The following TRPV1 variants were observed in gnomAD, a reference collection of about 807,000 sequenced individuals.
The protein encoded by TRPV1 is transient receptor potential cation channel subfamily V member 1.
Under a neutral mutation model 82.3 loss-of-function variants are expected in TRPV1, and 82 were observed. The ratio of observed to expected loss-of-function variants is 1.00; its 90% confidence interval spans 0.83 to 1.20. TRPV1 has a LOEUF of 1.20. Among genes scored for constraint, TRPV1 ranks in the 50% most tolerant of loss-of-function variants. The probability of loss-of-function intolerance (pLI) is 0.00; values close to 1 mark genes in which losing one functional copy is unlikely to be tolerated. For synonymous variants in TRPV1, 515 were observed against 467.7 expected, an observed-to-expected ratio of 1.10 and a Z score of -1.30; for missense variants, 1,067 against 1,096.8, an observed-to-expected ratio of 0.97 and a Z score of 0.38.
At position 3,573,532 on chromosome 17, in the gene TRPV1, G is replaced by GCCCCCCCCCCCCCCCCCCCCCCCCCCC; in HGVS notation, c.2103+100_2103+101insGGGGGGGGGGGGGGGGGGGGGGGGGGG. ...GCCCATACCCTCCTGGCCACACACC[G>GCCCCCCCCCCCCCCCCCCCCCCCCCCC]CCCCCACCACCCACCCACCTGCAGC... On this transcript the variant is annotated intron_variant, in intron 14 of 16. Transcript: ENST00000572705. 3.1e-5 allele frequency: 8 copies of GCCCCCCCCCCCCCCCCCCCCCCCCCCC among 257,076 alleles called. 4 individuals are homozygous for GCCCCCCCCCCCCCCCCCCCCCCCCCCC. The highest frequency in any genetic ancestry group is 1.2e-4 in the South Asian group (4 of 33,506). The allele number at this position is 257,076 out of a possible 1,614,324, so 15.9% of individuals were successfully genotyped here. A position where few individuals can be genotyped will look rare whatever the true frequency, so the allele number is the denominator to read the frequency against.
At chr17:3,569,962 G>GT (rs1315700646) in intron 16 of TRPV1, among the ~76,000 whole-genome samples, 1 of 151,270 alleles carries the variant, frequency 6.6e-6, no homozygotes, top group Non-Finnish European at 1.5e-5. Flanking sequence ...GAGGGGCCAA[G>GT]GGGTCAGGGA....
At chr17:3,603,937 G>A (rs893136461) in intron 2 of TRPV1, among the ~76,000 whole-genome samples, 4 of 152,142 alleles carry the variant, frequency 2.6e-5, no homozygotes, top group Admixed American at 6.5e-5. Context: ...TGGTCTCTGC[G>A]CTCAAGAAGC....
rs1295824422 is a variant in TRPV1 at position 3,585,927 on chromosome 17, C to A, written c.1225-1G>T. 2 of 1,613,542 alleles carry A rather than the reference C, an allele frequency of 1.2e-6. No homozygotes were observed. Among genetic ancestry groups the A allele is most frequent in the Non-Finnish European group, 8.5e-7 (1 of 1,179,722 alleles). On this transcript the variant is annotated splice_acceptor_variant, in intron 8 of 16. Coordinates refer to ENST00000572705, the MANE Select transcript of TRPV1 (RefSeq NM_080704.4). LOFTEE classifies it high-confidence loss of function. ...CCACCAAGAGCATGTCGTGGCGATT[C>A]TAGGGGGTGGGGAGAGAAGTGAGGT...
At chr17:3,589,209 CTTTTTTTTTTTTTT>C in intron 7 of TRPV1, among the ~76,000 whole-genome samples, 1 of 137,644 alleles carries the variant, frequency 7.3e-6, no homozygotes, top group Non-Finnish European at 1.5e-5. Context: ...TTTCTTTTTC[CTTTTTTTTTTTTTT>C]TGAGACAGAG....
rs71153376 is a variant in TRPV1 at position 3,582,189 on chromosome 17, C to CAAAAAAAAAAAAAAAAAA, written c.1476+1131_1476+1148dup. Among the ~76,000 whole-genome samples the CAAAAAAAAAAAAAAAAAA allele has an allele frequency of 4.6e-4, 12 of 25,912 alleles. 3 individuals carry two copies. The highest frequency in any genetic ancestry group is 6.6e-4 in the Non-Finnish European group (9 of 13,638). The allele number at this position is 25,912 out of a possible 152,430, so 17.0% of individuals were successfully genotyped here. On this transcript the variant is annotated intron_variant, in intron 10 of 16. Coordinates refer to ENST00000572705, the MANE Select transcript of TRPV1 (RefSeq NM_080704.4). The stretch of plus-strand genomic sequence containing the variant: ...TGGGCGAAAGAGTGAGACTCCATCT[C>CAAAAAAAAAAAAAAAAAA]AAAAAAAAAAAAAAAAAAAAAAAAA...
chr17:3,582,724 G>C (rs2075036443), intron 10 of TRPV1, among the ~76,000 whole-genome samples: 1 of 152,028 alleles, frequency 6.6e-6, no homozygotes, highest in Admixed American at 6.6e-5. Context: ...TTGGGAGGCT[G>C]AGGCAGGTGG....
intron 10 of TRPV1, among the ~76,000 whole-genome samples, chr17:3,583,111 G>A (rs950256254): frequency 1.3e-5 from 2 of 152,164 alleles, no homozygotes; most frequent in Admixed American, 6.6e-5. Flanking sequence ...TGGCTGGAGT[G>A]TCTACTTTCA....
rs1447579699 is a variant in TRPV1 at position 3,584,402 on chromosome 17, C to CAAAAAAAAA, written c.1384-981_1384-973dup. Among the ~76,000 whole-genome samples the CAAAAAAAAA allele has an allele frequency of 7.8e-3, 130 of 16,760 alleles. 17 individuals carry two copies. Among genetic ancestry groups the CAAAAAAAAA allele is most frequent in the African/African-American group, 0.018 (80 of 4,334 alleles). 11.0% of individuals were successfully genotyped at this position (16,760 alleles called of 152,430 possible). ...TGGAAAACAGAGAGAGACTCTGTCTCAAAAAAAAAAAAAATAAAATAAAAA... is the reference window on the plus strand; with the variant it reads ...TGGAAAACAGAGAGAGACTCTGTCTCAAAAAAAAAAAAAAAAAAAAAAATAAAATAAAAA... On this transcript the variant is annotated intron_variant, in intron 9 of 16. Transcript: ENST00000572705.
At position 3,577,724 on chromosome 17, in the gene TRPV1, C is replaced by T. The variant is rs1314691051; in HGVS notation, c.1587G>A (p.Leu529=). ...CATACTCCTTGAGGTGGCTGAAGTA[C>T]AGCACCACGGTGGCCAGCATGAACA... ...QSLFMLATVV[L]YFSHLKEYVA... is the part of the protein sequence containing the mutation. The change falls in exon 12 of 17, where the codon CTG becomes CTA. Residue 529 remains leucine (L), a synonymous_variant. Coordinates refer to ENST00000572705, the MANE Select transcript of TRPV1 (RefSeq NM_080704.4). 1 of 1,592,658 alleles carries T rather than the reference C, an allele frequency of 6.3e-7. No homozygotes were observed. The highest frequency in any genetic ancestry group is 1.3e-5 in the African/African-American group (1 of 74,504).
At chr17:3,586,107 G>A (rs982134314) in intron 8 of TRPV1, among the ~76,000 whole-genome samples, 181 bp from the exon 9 acceptor site, 7 of 152,248 alleles carry the variant, frequency 4.6e-5, no homozygotes, top group Admixed American at 6.5e-5. Flanking sequence ...CAGCACTGCC[G>A]CGGCTCACGG....
intron 11 of TRPV1, chr17:3,578,070 TG>T (rs1285800522): frequency 4.4e-6 from 1 of 228,018 alleles, no homozygotes; most frequent in African/African-American, 2.2e-5. Flanking sequence ...TTTGGGAGGC[TG>T]AGGCATGCGG....
chr17:3,591,158 G>C, intron 4 of TRPV1, 29 bp downstream of exon 4: 2 of 1,608,780 alleles, frequency 1.2e-6, no homozygotes, highest in South Asian at 1.1e-5. Context: ...CAGGGCTGGG[G>C]CCCTCCCCGA....
chr17:3,598,676 C>T (rs920343700), intron 2 of TRPV1, among the ~76,000 whole-genome samples: 11 of 151,262 alleles, frequency 7.3e-5, no homozygotes, highest in South Asian at 2.1e-4. Context: ...AGCAATTCTC[C>T]GGCCTTAGCC....
At chr17:3,583,815 G>A (rs1340062399) in intron 9 of TRPV1, among the ~76,000 whole-genome samples, 4 of 152,306 alleles carry the variant, frequency 2.6e-5, no homozygotes, top group East Asian at 1.9e-4. Context: ...AGTCTCCCAC[G>A]AGTGTCAGGG....
chr17:3,570,857 G>A (rs561670776), intron 16 of TRPV1, among the ~76,000 whole-genome samples: 168 of 152,222 alleles, frequency 1.1e-3, no homozygotes, highest in Middle Eastern at 6.8e-3. Context: ...GGGATTACAG[G>A]TGCCTGCCAC....
chr17:3,584,471 G>A (rs2318103), intron 9 of TRPV1, among the ~76,000 whole-genome samples: 2 of 149,770 alleles, frequency 1.3e-5, no homozygotes, highest in African/African-American at 2.5e-5. Flanking sequence ...GACAGAAATC[G>A]GGTTTCATGC....
chr17:3,579,258 A>G (rs2074974431), intron 11 of TRPV1, among the ~76,000 whole-genome samples: 1 of 152,194 alleles, frequency 6.6e-6, no homozygotes. Context: ...TCCAAAAAAA[A>G]AAATTGGGTT....
chr17:3,568,247 G>A (rs746020001), intron 16 of TRPV1, among the ~76,000 whole-genome samples: 6 of 151,552 alleles, frequency 4.0e-5, no homozygotes, highest in South Asian at 4.2e-4. Context: ...GCGTGAACCC[G>A]GGAGGTGGAG....
chr17:3,607,347 G>GA lies in TRPV1; in HGVS notation c.-34+1079dup, dbSNP rs1028590475. The stretch of plus-strand genomic sequence containing the variant: ...CGACAGAGGGAGACTCTGCCTAAAA[G>GA]AAAAAAAAAATACAGTAGCCCCCTG... On this transcript the variant is annotated intron_variant, in intron 2 of 16. Transcript: ENST00000572705. Among the ~76,000 whole-genome samples, 483 of 145,002 alleles carry GA rather than the reference G, an allele frequency of 3.3e-3. 3 individuals carry two copies. Among genetic ancestry groups the GA allele is most frequent in the African/African-American group, 0.011 (441 of 39,570 alleles).
Sources: allele counts gnomAD v4.1 joint callset (sites outside exome capture counted in the v4.1 genomes callset), GRCh38; gene constraint gnomAD v4.1.1; transcripts MANE v1.5; gene names NCBI Gene and HGNC (gene_info 2026-07-23, HGNC 2026-07-21).